DGKB: variants seen among roughly 807,000 people sequenced by gnomAD.
DGKB encodes the protein diacylglycerol kinase beta, also known as 90 kDa diacylglycerol kinase.
DGKB carries 67 observed loss-of-function variants against 114.3 expected under a neutral mutation model. The observed-to-expected ratio is 0.59, with a 90% CI of 0.48 to 0.72. DGKB has a LOEUF of 0.72. DGKB is among the 30% of genes least tolerant of loss of function. The pLI, the probability that DGKB is intolerant of heterozygous loss-of-function variation, is 0.00. For missense variants in DGKB, 907 were observed against 975.2 expected, an observed-to-expected ratio of 0.93 and a Z score of 0.93; for synonymous variants, 398 against 323.1, an observed-to-expected ratio of 1.23 and a Z score of -2.49.
At chr7:14,410,538 ATTGTTAATATG>A (rs1255069562) in intron 21 of DGKB, among the ~76,000 whole-genome samples, 1 of 152,098 alleles carries the variant, frequency 6.6e-6, no homozygotes, top group Non-Finnish European at 1.5e-5. Flanking sequence ...ACATTTATCC[ATTGTTAATATG>A]TTTTCAAATG....
intron 23 of DGKB, among the ~76,000 whole-genome samples, chr7:14,261,467 A>G (rs1245022900): frequency 6.6e-6 from 1 of 152,116 alleles, no homozygotes; most frequent in Non-Finnish European, 1.5e-5. Flanking sequence ...ACAGTGAAGG[A>G]TGAGTGAGGA....
chr7:14,898,542 T>C (rs1269272399), intron 1 of DGKB, among the ~76,000 whole-genome samples: 1 of 152,126 alleles, frequency 6.6e-6, no homozygotes, highest in East Asian at 1.9e-4. Context: ...AAATGCCATG[T>C]AGTAAGCACT....
intron 13 of DGKB, among the ~76,000 whole-genome samples, chr7:14,640,453 A>C (rs1429793100): frequency 6.6e-6 from 1 of 152,214 alleles, no homozygotes; most frequent in Non-Finnish European, 1.5e-5. Flanking sequence ...ACAGAGCCGT[A>C]ATCTTCCAGG....
intron 1 of DGKB, among the ~76,000 whole-genome samples, chr7:14,921,980 T>C (rs1784526599): frequency 6.6e-6 from 1 of 152,182 alleles, no homozygotes; most frequent in Non-Finnish European, 1.5e-5. Flanking sequence ...TTACTTATCA[T>C]TCAATCAGAA....
At chr7:14,201,702 G>A (rs1186703544) in intron 23 of DGKB, among the ~76,000 whole-genome samples, 1 of 151,874 alleles carries the variant, frequency 6.6e-6, no homozygotes, top group African/African-American at 2.4e-5. Context: ...GACTCTGTGG[G>A]ACATCCACAT....
At chr7:14,877,092 T>C (rs545949163) in intron 1 of DGKB, among the ~76,000 whole-genome samples, 2 of 152,320 alleles carry the variant, frequency 1.3e-5, no homozygotes, top group South Asian at 4.1e-4. Flanking sequence ...GAGAACTTTT[T>C]TCTCATATAA....
intron 20 of DGKB, among the ~76,000 whole-genome samples, chr7:14,527,551 A>G (rs1790841714): frequency 6.6e-6 from 1 of 152,122 alleles, no homozygotes; most frequent in Non-Finnish European, 1.5e-5. Flanking sequence ...AATGGATTTC[A>G]ACTGAAAATA....
intron 17 of DGKB, among the ~76,000 whole-genome samples, chr7:14,605,381 CCT>C (rs1563655315): frequency 3.4e-5 from 5 of 147,036 alleles, no homozygotes; most frequent in South Asian, 2.1e-4. Context: ...TATATATACA[CCT>C]ATATATGTGT....
intron 20 of DGKB, among the ~76,000 whole-genome samples, chr7:14,485,355 G>T (rs892745689): frequency 6.6e-6 from 1 of 150,390 alleles, no homozygotes; most frequent in Non-Finnish European, 1.5e-5. Flanking sequence ...GAACTCAGAT[G>T]CATTATGATG....
chr7:14,392,467 C>T (rs989374418), intron 21 of DGKB, among the ~76,000 whole-genome samples: 1 of 152,088 alleles, frequency 6.6e-6, no homozygotes, highest in Non-Finnish European at 1.5e-5. Context: ...ATGGAACGTA[C>T]TATTTATTCA....
At chr7:14,219,059 A>G (rs1789494527) in intron 23 of DGKB, among the ~76,000 whole-genome samples, 1 of 151,890 alleles carries the variant, frequency 6.6e-6, no homozygotes, top group African/African-American at 2.4e-5. Context: ...TTCACTTAGC[A>G]TGTTTTTAAG....
chr7:14,587,265 G>A (rs995604229), intron 17 of DGKB, among the ~76,000 whole-genome samples: 4 of 152,094 alleles, frequency 2.6e-5, no homozygotes, highest in Non-Finnish European at 5.9e-5. Flanking sequence ...AGTCGCTGCA[G>A]ATGTCATAAA....
At chr7:14,549,235 C>T (rs1002918319) in intron 20 of DGKB, among the ~76,000 whole-genome samples, 2 of 151,968 alleles carry the variant, frequency 1.3e-5, no homozygotes, top group African/African-American at 2.4e-5. Context: ...AAAGATGGTA[C>T]TATTGAACTG....
chr7:14,923,697 A>G (rs1204937045), intron 1 of DGKB, among the ~76,000 whole-genome samples: 1 of 152,080 alleles, frequency 6.6e-6, no homozygotes. Flanking sequence ...ACTCCTCTAT[A>G]TAAAAGCTTT....
chr7:14,174,944 C>T, intron 25 of DGKB, among the ~76,000 whole-genome samples: 1 of 152,194 alleles, frequency 6.6e-6, no homozygotes, highest in East Asian at 1.9e-4. Context: ...AGTGTTCAGG[C>T]AGCTAAAGGA....
intron 1 of DGKB, among the ~76,000 whole-genome samples, chr7:14,927,468 G>T (rs902924315): frequency 1.3e-5 from 2 of 151,302 alleles, no homozygotes; most frequent in African/African-American, 2.4e-5. Flanking sequence ...AGGATGCTAG[G>T]TAGGTTTTGT....
At chr7:14,486,607 G>C (rs914716723) in intron 20 of DGKB, among the ~76,000 whole-genome samples, 1 of 152,128 alleles carries the variant, frequency 6.6e-6, no homozygotes, top group African/African-American at 2.4e-5. Context: ...TCCACTAGAA[G>C]AAAGAGGGCA....
chr7:14,616,420 T>C (rs1053430253), intron 15 of DGKB, among the ~76,000 whole-genome samples: 1 of 151,628 alleles, frequency 6.6e-6, no homozygotes, highest in East Asian at 1.9e-4. Context: ...AATCTGTCTA[T>C]GAATTTAGAA....
At chr7:14,618,546 C>G (rs1806993481) in intron 15 of DGKB, among the ~76,000 whole-genome samples, 1 of 151,562 alleles carries the variant, frequency 6.6e-6, no homozygotes, top group Non-Finnish European at 1.5e-5. Context: ...AATTTTATAT[C>G]TCTTGCATGG....
Sources: gnomAD v4.1 joint callset for allele counts (sites outside exome capture counted in the v4.1 genomes callset) on GRCh38, gnomAD v4.1.1 for gene constraint, MANE v1.5 for transcripts, NCBI Gene and HGNC (gene_info 2026-07-23, HGNC 2026-07-21) for gene names.